KCNH1: variants seen among roughly 807,000 people sequenced by gnomAD.
The protein encoded by KCNH1 is potassium voltage-gated channel subfamily H member 1.
Under a neutral mutation model 69.2 loss-of-function variants are expected in KCNH1, and 27 were observed. The observed-to-expected ratio is 0.39, with a 90% CI of 0.29 to 0.54. KCNH1 has a LOEUF of 0.54. KCNH1 is among the 20% of genes least tolerant of loss of function. The pLI is 0.68. For missense variants in KCNH1, 798 were observed against 1,261.6 expected (o/e 0.63, Z 5.57); for synonymous variants, 456 against 487.7 (o/e 0.93, Z 0.86).
At chr1:210,957,272 T>C (rs1256487129) in intron 6 of KCNH1, among the ~76,000 whole-genome samples, 1 of 152,220 alleles carries the variant, frequency 6.6e-6, no homozygotes, top group Non-Finnish European at 1.5e-5. Flanking sequence ...CACTGTGGTC[T>C]GAGACACAGT....
intron 6 of KCNH1, among the ~76,000 whole-genome samples, chr1:210,922,420 A>C (rs1446839341): frequency 1.3e-5 from 2 of 148,656 alleles, no homozygotes; most frequent in African/African-American, 5.0e-5. Context: ...AAAAAAAAAA[A>C]ACCTGACAAG....
intron 5 of KCNH1, among the ~76,000 whole-genome samples, chr1:211,079,928 C>T (rs977649601): frequency 2.3e-4 from 35 of 152,346 alleles, no homozygotes; most frequent in African/African-American, 8.4e-4. Flanking sequence ...TGCCCTCTCT[C>T]ACCACTCCTA....
intron 10 of KCNH1, among the ~76,000 whole-genome samples, chr1:210,736,048 T>C (rs1384695488): frequency 6.6e-6 from 1 of 152,176 alleles, no homozygotes; most frequent in Non-Finnish European, 1.5e-5. Flanking sequence ...TAACTTTTTT[T>C]TTTAGAGATA....
At chr1:210,987,628 G>T (rs1688865642) in intron 6 of KCNH1, among the ~76,000 whole-genome samples, 1 of 152,020 alleles carries the variant, frequency 6.6e-6, no homozygotes, top group Non-Finnish European at 1.5e-5. Context: ...GCTGCTGCCT[G>T]ATCGTTCCTC....
rs201151048 is a variant in KCNH1 at position 211,031,065 on chromosome 1, T to TA, written c.559-11810dup. Among the ~76,000 whole-genome samples, 1,520 of 152,100 alleles carry TA rather than the reference T, an allele frequency of 1.0e-2. 49 individuals carry two copies. The highest frequency in any genetic ancestry group is 0.056 in the East Asian group (291 of 5,180). ...ATTACTACACACCTATTAAAATGGC[T>TA]AAAATTTTTTTTAAAAGGGACAACA... On this transcript the variant is annotated intron_variant, in intron 5 of 10. Transcript: ENST00000271751.
intron 7 of KCNH1, among the ~76,000 whole-genome samples, chr1:210,819,287 C>A (rs1317772399): frequency 6.6e-6 from 1 of 152,032 alleles, no homozygotes; most frequent in Non-Finnish European, 1.5e-5. Flanking sequence ...CTTTATTTTT[C>A]CCTTTTTCTT....
At chr1:210,735,462 G>A (rs1488437255) in intron 10 of KCNH1, among the ~76,000 whole-genome samples, 1 of 132,604 alleles carries the variant, frequency 7.5e-6, no homozygotes, top group South Asian at 2.6e-4. Flanking sequence ...GTGTGTGTGT[G>A]TGTGATGCTG....
intron 7 of KCNH1, among the ~76,000 whole-genome samples, chr1:210,873,963 A>G (rs571249842): frequency 1.1e-4 from 16 of 152,296 alleles, no homozygotes; most frequent in South Asian, 4.2e-4. Context: ...AGTTTGAGTC[A>G]CTGGTCTAAC....
intron 10 of KCNH1, among the ~76,000 whole-genome samples, chr1:210,687,717 C>T (rs548171234): frequency 2.6e-4 from 40 of 152,228 alleles, no homozygotes; most frequent in Non-Finnish European, 4.0e-4. Flanking sequence ...AAGTTAGTCA[C>T]GGAGTCTGTC....
intron 6 of KCNH1, among the ~76,000 whole-genome samples, chr1:210,990,598 G>C (rs1043691915): frequency 5.3e-5 from 8 of 152,178 alleles, no homozygotes; most frequent in Non-Finnish European, 8.8e-5. Context: ...TCTAAACCTA[G>C]CTGCATCCCT....
At chr1:211,032,550 G>A (rs1689808485) in intron 5 of KCNH1, among the ~76,000 whole-genome samples, 1 of 152,164 alleles carries the variant, frequency 6.6e-6, no homozygotes, top group African/African-American at 2.4e-5. Context: ...CATGGTACTG[G>A]TACCAAAACA....
chr1:211,055,886 C>T (rs1307009696), intron 5 of KCNH1, among the ~76,000 whole-genome samples: 1 of 152,198 alleles, frequency 6.6e-6, no homozygotes, highest in African/African-American at 2.4e-5. Context: ...CTACAGAAGA[C>T]TTGGGCCCTG....
intron 10 of KCNH1, among the ~76,000 whole-genome samples, chr1:210,722,560 C>T (rs574576070): frequency 6.6e-6 from 1 of 152,320 alleles, no homozygotes; most frequent in Admixed American, 6.5e-5. Flanking sequence ...CTGCCCTCTA[C>T]TGCTCCTGCC....
At chr1:210,728,011 A>T (rs1682647181) in intron 10 of KCNH1, among the ~76,000 whole-genome samples, 1 of 152,232 alleles carries the variant, frequency 6.6e-6, no homozygotes, top group South Asian at 2.1e-4. Flanking sequence ...TGGTCAGCAG[A>T]CAACCTGCAC....
intron 7 of KCNH1, among the ~76,000 whole-genome samples, chr1:210,879,174 G>A (rs2102505624): frequency 6.6e-6 from 1 of 152,094 alleles, no homozygotes; most frequent in East Asian, 1.9e-4. Flanking sequence ...GTCCACCAGT[G>A]AACTCTATCA....
At chr1:210,718,243 TAA>T (rs1220059023) in intron 10 of KCNH1, among the ~76,000 whole-genome samples, 14 of 104,252 alleles carry the variant, frequency 1.3e-4, no homozygotes, top group Admixed American at 2.1e-4. Context: ...TAAAAAGTAC[TAA>T]GTCTTCTATA....
At chr1:210,770,729 G>A (rs79190648) in intron 10 of KCNH1, among the ~76,000 whole-genome samples, 2 of 152,212 alleles carry the variant, frequency 1.3e-5, no homozygotes, top group Admixed American at 6.5e-5. Flanking sequence ...TATTGGCGGT[G>A]GCAAAGGCCA....
At chr1:210,773,482 T>G (rs191702942) in intron 10 of KCNH1, among the ~76,000 whole-genome samples, 1 of 152,208 alleles carries the variant, frequency 6.6e-6, no homozygotes, top group Admixed American at 6.5e-5. Flanking sequence ...ACCCACAAGA[T>G]AGTCCAAGGG....
At chr1:210,866,197 C>A (rs765719219) in intron 7 of KCNH1, among the ~76,000 whole-genome samples, 2 of 151,988 alleles carry the variant, frequency 1.3e-5, no homozygotes, top group Admixed American at 6.6e-5. Flanking sequence ...TCTTTATGAC[C>A]CTGAGTTAGG....
Sources: gnomAD v4.1 joint callset for allele counts (sites outside exome capture counted in the v4.1 genomes callset) on GRCh38, gnomAD v4.1.1 for gene constraint, MANE v1.5 for transcripts, NCBI Gene and HGNC (gene_info 2026-07-23, HGNC 2026-07-21) for gene names.